TMEM164: variants seen among roughly 807,000 people sequenced by gnomAD.
The protein encoded by TMEM164 is transmembrane protein 164.
Under a neutral mutation model 18.8 loss-of-function variants are expected in TMEM164, and 4 were observed. That is an observed-to-expected ratio of 0.21 (90% confidence interval 0.10 to 0.49). TMEM164 has a LOEUF of 0.49. TMEM164 is among the 20% of genes least tolerant of loss of function. The pLI, the probability that TMEM164 is intolerant of heterozygous loss-of-function variation, is 0.98. For missense variants in TMEM164, 108 were observed against 239.9 expected (o/e 0.45, Z 3.63); for synonymous variants, 86 against 101.7 (o/e 0.85, Z 0.93).
intron 3 of TMEM164, among the ~76,000 whole-genome samples, chrX:110,076,988 A>T (rs1180914235): frequency 8.9e-6 from 1 of 112,067 alleles, no homozygotes; most frequent in East Asian, 2.8e-4. Context: ...GTTAACTGTC[A>T]AATTTAAGTC....
At chrX:110,165,650 C>T (rs111800624) in intron 5 of TMEM164, among the ~76,000 whole-genome samples, 3 of 112,189 alleles carry the variant, frequency 2.7e-5, no homozygotes, top group Non-Finnish European at 3.8e-5. Flanking sequence ...GGCCATCTCC[C>T]TCTCCTGAGC....
chrX:110,034,720 G>C (rs2147765206), intron 2 of TMEM164, among the ~76,000 whole-genome samples: 1 of 107,199 alleles, frequency 9.3e-6, no homozygotes, highest in East Asian at 2.9e-4. Context: ...CCATTACTGG[G>C]TATATACCCA....
chrX:110,055,478 A>G (rs752534755), intron 2 of TMEM164: 3 of 172,834 alleles, frequency 1.7e-5, no homozygotes, highest in Non-Finnish European at 3.6e-5. Flanking sequence ...TTCTTCATCA[A>G]GGTACCAGTT....
At chrX:110,148,475 A>G (rs1042568557) in intron 5 of TMEM164, among the ~76,000 whole-genome samples, 4 of 110,369 alleles carry the variant, frequency 3.6e-5, no homozygotes, top group Non-Finnish European at 7.6e-5. Flanking sequence ...CATTCTATCA[A>G]TTAATCACTT....
chrX:110,130,223 T>C (rs768862989), intron 4 of TMEM164, among the ~76,000 whole-genome samples: 1 of 111,788 alleles, frequency 8.9e-6, no homozygotes, highest in Non-Finnish European at 1.9e-5. Context: ...GGGTCATTGG[T>C]ATATCAAGTT....
intron 2 of TMEM164, among the ~76,000 whole-genome samples, chrX:110,006,381 A>G (rs2147660375): frequency 9.0e-6 from 1 of 111,263 alleles, no homozygotes; most frequent in African/African-American, 3.3e-5. Flanking sequence ...GGATGGGGGC[A>G]TGGAACAGAG....
chrX:110,094,670 C>G (rs1201124729), intron 3 of TMEM164, among the ~76,000 whole-genome samples: 3 of 111,398 alleles, frequency 2.7e-5, no homozygotes, highest in African/African-American at 9.8e-5. Flanking sequence ...AGCATTTGGC[C>G]CATTTACATT....
chrX:110,033,182 T>C (rs1934596096), intron 2 of TMEM164, among the ~76,000 whole-genome samples: 1 of 111,581 alleles, frequency 9.0e-6, no homozygotes, highest in South Asian at 3.7e-4. Flanking sequence ...ATAAATAAAT[T>C]CAAAGAAAAA....
intron 4 of TMEM164, among the ~76,000 whole-genome samples, chrX:110,127,226 C>T (rs1389633073): frequency 1.8e-5 from 2 of 111,334 alleles, no homozygotes; most frequent in Non-Finnish European, 3.8e-5. Context: ...TAAAGGGTCA[C>T]TCCTGGCCGG....
At chrX:110,022,782 G>C (rs768881185) in intron 2 of TMEM164, among the ~76,000 whole-genome samples, 11 of 112,225 alleles carry the variant, frequency 9.8e-5, no homozygotes, top group Admixed American at 4.7e-4. Flanking sequence ...TTATTATCAA[G>C]GCTCATTAAC....
intron 2 of TMEM164, chrX:110,046,335 TTTTGC>T (rs1935316033): frequency 1.3e-6 from 1 of 752,768 alleles, no homozygotes; most frequent in African/African-American, 2.3e-5. Context: ...AGTATTTGCC[TTTTGC>T]TTATTCCTCT....
At chrX:110,150,359 A>G (rs368866303) in intron 5 of TMEM164, among the ~76,000 whole-genome samples, 4 of 111,978 alleles carry the variant, frequency 3.6e-5, no homozygotes, top group African/African-American at 1.3e-4. Flanking sequence ...GGCTGGCGTC[A>G]TATATGAAGG....
intron 3 of TMEM164, among the ~76,000 whole-genome samples, chrX:110,070,351 G>A (rs1311631863): frequency 9.0e-6 from 1 of 111,584 alleles, no homozygotes; most frequent in African/African-American, 3.3e-5. Context: ...GCTATTTGTT[G>A]TCACTTGTTC....
intron 2 of TMEM164, among the ~76,000 whole-genome samples, chrX:110,059,791 C>T (rs956322087): frequency 1.3e-4 from 14 of 111,278 alleles, no homozygotes; most frequent in Non-Finnish European, 2.3e-4. Context: ...ATGTGTAGAC[C>T]GAGACAATTC....
At chrX:110,072,314 A>AG (rs2065606794) in intron 3 of TMEM164, among the ~76,000 whole-genome samples, 1 of 109,188 alleles carries the variant, frequency 9.2e-6, no homozygotes, top group African/African-American at 3.3e-5. Context: ...AAAAAAAAAA[A>AG]AAAGAAATTA....
rs768074799 is a variant in TMEM164, at chrX:110,144,810, T to C, written c.520T>C (p.Leu174=). The C allele has an allele frequency of 7.5e-6, 9 of 1,206,745 alleles. No individual in the cohort carries two copies. The highest frequency in any genetic ancestry group is 2.2e-5 in the Admixed American group (1 of 45,938). The change falls in exon 5 of 7, where the codon TTG becomes CTG. Residue 174 remains leucine (L), a synonymous_variant. Transcript: ENST00000372068. ...CCTATCCTCACAGCTCCCCTTTGAATTGGAGATTTACTACATTCAGCATGT... is the reference window on the plus strand; with the variant it reads ...CCTATCCTCACAGCTCCCCTTTGAACTGGAGATTTACTACATTCAGCATGT... ...VVNTRLLPFE[L]EIYYIQHVML... is the part of the protein sequence containing the mutation.
At chrX:110,025,476 A>G (rs1457941110) in intron 2 of TMEM164, among the ~76,000 whole-genome samples, 1 of 111,953 alleles carries the variant, frequency 8.9e-6, no homozygotes, top group East Asian at 2.8e-4. Flanking sequence ...CCAACTCTGC[A>G]CCTCAATCTG....
chrX:110,121,872 G>A (rs1032690542), intron 4 of TMEM164, among the ~76,000 whole-genome samples: 2 of 111,719 alleles, frequency 1.8e-5, no homozygotes, highest in African/African-American at 6.5e-5. Context: ...TTTTATTATA[G>A]CCATTCTAGA....
intron 3 of TMEM164, among the ~76,000 whole-genome samples, chrX:110,104,268 T>G (rs2066153170): frequency 8.9e-6 from 1 of 112,117 alleles, no homozygotes; most frequent in African/African-American, 3.2e-5. Flanking sequence ...ACTCCTGTAA[T>G]AATTTTATAG....
Sources: allele counts gnomAD v4.1 joint callset (sites outside exome capture counted in the v4.1 genomes callset), GRCh38; gene constraint gnomAD v4.1.1; transcripts MANE v1.5; gene names NCBI Gene and HGNC (gene_info 2026-07-23, HGNC 2026-07-21).